Variants in CCAR2 observed in about 807,000 individuals in gnomAD.
The protein encoded by CCAR2 is cell cycle and apoptosis regulator protein 2.
CCAR2 carries 21 observed loss-of-function variants against 108.1 expected under a neutral mutation model. That is an observed-to-expected ratio of 0.19 (90% CI 0.14 to 0.28). The LOEUF is 0.28. Among genes scored for constraint, CCAR2 ranks in the 10% least tolerant of loss-of-function variants. The pLI is 1.00. For missense variants in CCAR2, 1,126 were observed against 1,177.0 expected (o/e 0.96, Z 0.63); for synonymous variants, 577 against 472.8 (o/e 1.22, Z -2.86).
Position 22,614,282 on chromosome 8 carries a change from A to C in CCAR2, c.895A>C (p.Thr299Pro). 6.2e-7 allele frequency: 1 copy of C among 1,614,078 alleles called. No homozygotes were observed. The highest frequency in any genetic ancestry group is 1.1e-5 in the South Asian group (1 of 91,084). ...TCCAGACGCTGGTGCTGAGCCCATC[A>C]CTGCAGACAGTGACCCCGCTTATAG... The part of the protein sequence containing the change: ...AAPDAGAEPI[T>P]ADSDPAYSSK... The change falls in exon 9 of 21, where the codon ACT (threonine) becomes CCT (proline). Residue 299 changes from threonine to proline, a missense_variant. Physicochemically the swap from Thr to Pro is conservative, Grantham distance 38. Around this residue, in one of 4 missense-constraint regions of CCAR2, gnomAD observed 1,013 missense variants for 993.9 expected, o/e 1.02. Transcript: ENST00000308511.
At position 22,607,011 on chromosome 8, in the gene CCAR2, C is replaced by T; in HGVS notation, c.344C>T (p.Thr115Met). ...AVPWNAVKVQ[T>M]LSNQPLLKSP... is the part of the protein sequence containing the mutation. ...CCCTGGAATGCTGTCAAGGTGCAAA[C>T]GCTCTCCAACCAGGTATTCATATCT... Residue 115 changes from threonine (T) to methionine (M), a missense_variant, in exon 5 of 21, where the codon ACG (threonine) becomes ATG (methionine). Coordinates refer to ENST00000308511, the MANE Select transcript of CCAR2 (RefSeq NM_001393997.1). 1.2e-6 allele frequency: 2 copies of T among 1,614,062 alleles called. No individual in the cohort carries two copies. Among genetic ancestry groups the T allele is most frequent in the Non-Finnish European group, 8.5e-7 (1 of 1,179,974 alleles).
rs1801452662 is a variant in CCAR2 at position 22,615,216 on chromosome 8, C to T, written c.1206-209C>T. 3 of 860,732 alleles carry T rather than the reference C, an allele frequency of 3.5e-6. No homozygotes were observed. In the Admixed American group the frequency reaches 8.7e-5, roughly 25 times the overall value. 53.3% of individuals were successfully genotyped at this position (860,732 alleles called of 1,614,324 possible). A position where few individuals can be genotyped will look rare whatever the true frequency, so the allele number is the denominator to read the frequency against. ...AGACTCCCTGGAGTTGTCCTTGCAC[C>T]TTGTAGGGTGCTTGTGTGGTTGCGG... On this transcript the variant is annotated intron_variant, in intron 11 of 20. Coordinates refer to ENST00000308511, the MANE Select transcript of CCAR2 (RefSeq NM_001393997.1).
At chr8:22,616,858 C>T (rs1391822192) in intron 14 of CCAR2, among the ~76,000 whole-genome samples, 15 of 124,784 alleles carry the variant, frequency 1.2e-4, no homozygotes, top group Non-Finnish European at 2.3e-4. Flanking sequence ...TTCTAAAATA[C>T]TAGTCTGCTT....
chr8:22,605,745 C>A lies in CCAR2; in HGVS notation c.-29C>A, dbSNP rs1463430184. On this transcript the variant is annotated 5_prime_UTR_variant, in exon 2 of 21. Transcript: ENST00000308511. ...TCTTTTTGGATTGAAGCCTTTTCCC[C>A]ACGACTCTGAAAGAGGACAGCGTTC... The A allele has an allele frequency of 6.2e-7, 1 of 1,605,548 alleles. No homozygotes were observed. The highest frequency in any genetic ancestry group is 1.7e-5 in the Admixed American group (1 of 59,384).
chr8:22,610,196 G>T, intron 7 of CCAR2, among the ~76,000 whole-genome samples: 1 of 152,226 alleles, frequency 6.6e-6, no homozygotes, highest in African/African-American at 2.4e-5. Context: ...GCCAGGGGTA[G>T]TAGGAAGTAG....
At chr8:22,618,120 C>G in intron 16 of CCAR2, 2 of 611,156 alleles carry the variant, frequency 3.3e-6, no homozygotes, top group South Asian at 4.0e-5. Context: ...CGCTGTGTTG[C>G]CCAGGCTGGA....
At chr8:22,621,368 C>A, downstream of CCAR2, 2 of 1,571,658 alleles carry the variant, frequency 1.3e-6, no homozygotes, top group South Asian at 2.3e-5. Context: ...CTGAGAAGGG[C>A]AAGGATGAAT....
At chr8:22,615,070 G>T in intron 11 of CCAR2, 69 bp downstream of exon 11, 1 of 1,456,392 alleles carries the variant, frequency 6.9e-7, no homozygotes, top group East Asian at 2.5e-5. Context: ...GGGAAGGCCC[G>T]GTCCCTGCCC....
intron 7 of CCAR2, among the ~76,000 whole-genome samples, chr8:22,610,846 C>T (rs367742070): frequency 6.6e-6 from 1 of 152,302 alleles, no homozygotes; most frequent in East Asian, 1.9e-4. Flanking sequence ...TTTTATTTCT[C>T]TCATGTGACA....
In CCAR2 at chr8:22,619,029, GC is replaced by G; in HGVS notation, c.2521+15del. 6.2e-7 allele frequency: 1 copy of G among 1,611,344 alleles called. No homozygotes were observed. The highest frequency in any genetic ancestry group is 1.3e-5 in the African/African-American group (1 of 75,010). ...AGCTGAAGCTGGGTGAGGGCCTGGG[GC>G]TGCAGCCACCATGGGGTCACATGCA... On this transcript the variant is annotated intron_variant, in intron 19 of 20. Coordinates refer to ENST00000308511, the MANE Select transcript of CCAR2 (RefSeq NM_001393997.1).
intron 2 of CCAR2, 88 bp from the exon 3 acceptor site, chr8:22,605,997 G>C (rs1439448385): frequency 1.5e-6 from 2 of 1,347,676 alleles, no homozygotes; most frequent in Non-Finnish European, 2.1e-6. Flanking sequence ...GGCTGGAGCT[G>C]TAGCCTTTGG....
At chr8:22,610,975 G>A (rs1478077285) in intron 7 of CCAR2, among the ~76,000 whole-genome samples, 1 of 152,084 alleles carries the variant, frequency 6.6e-6, no homozygotes, top group Non-Finnish European at 1.5e-5. Context: ...TAGTTATAGT[G>A]TAATACTGTG....
chr8:22,610,886 C>T (rs867509987), intron 7 of CCAR2, among the ~76,000 whole-genome samples: 2 of 152,170 alleles, frequency 1.3e-5, no homozygotes, highest in South Asian at 2.1e-4. Context: ...CAGTCTGGCA[C>T]GTTATAATGA....
rs1436392122 is a variant in CCAR2 at position 22,616,899 on chromosome 8, G to GA, written c.1846-521_1846-520insA. 5.1e-4 allele frequency among the ~76,000 whole-genome samples: 32 copies of GA among 62,540 alleles called. 1 individual carries two copies. The highest frequency in any genetic ancestry group is 1.8e-3 in the African/African-American group (14 of 7,918). 41.0% of individuals were successfully genotyped at this position (62,540 alleles called of 152,430 possible). A position where few individuals can be genotyped will look rare whatever the true frequency, so the allele number is the denominator to read the frequency against. On this transcript the variant is annotated intron_variant, in intron 14 of 20. Transcript: ENST00000308511. Reference sequence around the variant, plus strand: ...TTTTTTTTTTTTTTTTTTTTTTTGGGGAGATGGAGTCTTGCTCTGTCACCC... The same window carrying GA: ...TTTTTTTTTTTTTTTTTTTTTTTGGGAGAGATGGAGTCTTGCTCTGTCACCC...
At position 22,614,685 on chromosome 8, in the gene CCAR2, G is replaced by A. The variant is rs762001747; in HGVS notation, c.1042-153G>A. On this transcript the variant is annotated intron_variant, in intron 10 of 20. Transcript: ENST00000308511. ...GTTACGACTAGTCAGAGAGAGCGAG[G>A]TGGCTGGTTCATGTTTGCAGATAGA... The A allele has an allele frequency of 1.4e-5, 15 of 1,091,848 alleles. No homozygotes were observed. The East Asian group carries it at 3.6e-4, about 26-fold the overall frequency. The allele number at this position is 1,091,848 out of a possible 1,614,324, so 67.6% of individuals were successfully genotyped here. A position where few individuals can be genotyped will look rare whatever the true frequency, so the allele number is the denominator to read the frequency against.
Position 22,615,457 on chromosome 8 carries a change from C to A in CCAR2, c.1238C>A (p.Pro413Gln), listed in dbSNP as rs138544051. 2 of 1,613,690 alleles carry A rather than the reference C, an allele frequency of 1.2e-6. No homozygotes were observed. The highest frequency in any genetic ancestry group is 1.1e-5 in the South Asian group (1 of 91,084). ...TTTGCCGAGTTTCAGTACCTGCAGC[C>A]GGGACCCCCCCGGCGGCTTCAGACA... ...WRFAEFQYLQ[P>Q]GPPRRLQTVV... The change falls in exon 12 of 21, where the codon CCG (proline) becomes CAG (glutamine). Residue 413 changes from proline (P) to glutamine (Q), a missense_variant. Coordinates refer to ENST00000308511, the MANE Select transcript of CCAR2 (RefSeq NM_001393997.1).
chr8:22,612,938 T>A, intron 7 of CCAR2, 79 bp from the exon 8 acceptor site: 2 of 1,456,242 alleles, frequency 1.4e-6, no homozygotes, highest in Non-Finnish European at 1.9e-6. Context: ...TTCGATTGTT[T>A]CCAGTTCTTT....
chr8:22,617,828 C>A, intron 16 of CCAR2, 50 bp downstream of exon 16: 1 of 1,585,708 alleles, frequency 6.3e-7, no homozygotes, highest in Middle Eastern at 2.2e-4. Context: ...TGAGGCTTGG[C>A]AAGGCCTCTG....
chr8:22,610,733 G>A (rs1177820646), intron 7 of CCAR2, among the ~76,000 whole-genome samples: 1 of 152,232 alleles, frequency 6.6e-6, no homozygotes, highest in Non-Finnish European at 1.5e-5. Context: ...AGTCACTGGG[G>A]TGTGAACAGG....
Sources: allele counts gnomAD v4.1 joint callset (sites outside exome capture counted in the v4.1 genomes callset), GRCh38; gene constraint gnomAD v4.1.1; regional missense constraint gnomAD v4.1.1; transcripts MANE v1.5; gene names NCBI Gene and HGNC (gene_info 2026-07-23, HGNC 2026-07-21).